Variants in IL36B observed in about 807,000 individuals in gnomAD.
IL36B encodes interleukin-36 beta.
IL36B carries 23 observed loss-of-function variants against 19.3 expected under a neutral mutation model. That is an observed-to-expected ratio of 1.19 (90% CI 0.86 to 1.69). IL36B has a LOEUF of 1.69. IL36B is among the 40% of genes most tolerant of loss of function. The pLI is 0.00. For synonymous variants in IL36B, 59 were observed against 59.7 expected (o/e 0.99, Z 0.05); for missense variants, 217 against 200.5 (o/e 1.08, Z -0.50).
intron 1 of IL36B, among the ~76,000 whole-genome samples, chr2:113,048,366 C>T (rs984013424): frequency 2.1e-4 from 32 of 152,230 alleles, no homozygotes; most frequent in African/African-American, 6.0e-4. Context: ...TGCTTGAACC[C>T]GGGAGGCGAA....
At chr2:113,028,374 G>A (rs1017061389) in intron 4 of IL36B, among the ~76,000 whole-genome samples, 2 of 152,202 alleles carry the variant, frequency 1.3e-5, no homozygotes, top group Non-Finnish European at 2.9e-5. Flanking sequence ...CTGGAACAGA[G>A]GGAGGTTGAA....
In IL36B at chr2:113,028,106, T is replaced by C. The variant is rs148655336; in HGVS notation, c.261+833A>G. 2.1e-3 allele frequency: 3,401 copies of C among 1,613,804 alleles called. 22 individuals are homozygous for C. Among genetic ancestry groups the C allele is most frequent in the Non-Finnish European group, 2.2e-3 (2,652 of 1,179,892 alleles). ...TTCTTCTCCACATACAGGTCCATGA[T>C]ATTTTTTTCCTGGGGGTGGAAAAGA... On this transcript the variant is annotated intron_variant, in intron 4 of 5. Coordinates refer to ENST00000259213, the MANE Select transcript of IL36B (RefSeq NM_014438.5).
At chr2:113,040,386 G>A (rs1023400141) in intron 1 of IL36B, among the ~76,000 whole-genome samples, 2 of 152,048 alleles carry the variant, frequency 1.3e-5, no homozygotes, top group Admixed American at 1.3e-4. Context: ...GTTCAACATC[G>A]TATTTGAAGT....
At chr2:113,027,593 G>A in intron 4 of IL36B, 1 of 1,172,566 alleles carries the variant, frequency 8.5e-7, no homozygotes, top group Non-Finnish European at 1.1e-6. Flanking sequence ...GAATAGGAAT[G>A]GAAGGTTGCA....
chr2:113,029,081 G>T lies in IL36B; in HGVS notation c.122-3C>A. On this transcript the variant is annotated splice_polypyrimidine_tract_variant and splice_region_variant and intron_variant, in intron 3 of 5. Transcript: ENST00000259213. ...ACAGGCTATTAAATGAAGAGTGACTGGAAACACAAAGGAAAATGGAGAAGA... is the reference window on the plus strand; with the variant it reads ...ACAGGCTATTAAATGAAGAGTGACTTGAAACACAAAGGAAAATGGAGAAGA... 6.2e-7 allele frequency: 1 copy of T among 1,610,060 alleles called. No homozygotes were observed. Among genetic ancestry groups the T allele is most frequent in the Non-Finnish European group, 8.5e-7 (1 of 1,178,306 alleles).
At chr2:113,024,926 G>A (rs1684929477) in intron 5 of IL36B, among the ~76,000 whole-genome samples, 1 of 152,148 alleles carries the variant, frequency 6.6e-6, no homozygotes, top group African/African-American at 2.4e-5. Context: ...CATCCTTGAG[G>A]CCATTTGTGC....
intron 4 of IL36B, chr2:113,027,752 G>T: frequency 6.9e-7 from 1 of 1,449,254 alleles, no homozygotes. Flanking sequence ...ATGGATGTTT[G>T]GAGGAGGAGG....
intron 1 of IL36B, among the ~76,000 whole-genome samples, chr2:113,048,864 T>A (rs1282410733): frequency 3.9e-5 from 6 of 152,198 alleles, no homozygotes; most frequent in Non-Finnish European, 5.9e-5. Context: ...TGGACCAACA[T>A]TTGGAAAGCC....
chr2:113,028,817 A>G, intron 4 of IL36B, 122 bp downstream of exon 4: 1 of 1,029,928 alleles, frequency 9.7e-7, no homozygotes, highest in East Asian at 2.6e-5. Flanking sequence ...GCCAGGTCAG[A>G]ATTATTTCCT....
At chr2:113,032,129 GTGTC>G (rs1335700819) in intron 1 of IL36B, among the ~76,000 whole-genome samples, 40 of 119,428 alleles carry the variant, frequency 3.3e-4, no homozygotes, top group African/African-American at 1.3e-3. Context: ...GTGCGTGTGT[GTGTC>G]TGTGTGTGTG....
At chr2:113,034,713 C>T (rs112543310) in intron 1 of IL36B, among the ~76,000 whole-genome samples, 5 of 152,312 alleles carry the variant, frequency 3.3e-5, no homozygotes, top group African/African-American at 1.2e-4. Context: ...GTAGGAAAGG[C>T]ATCACTTGTG....
intron 3 of IL36B, 30 bp from the exon 4 acceptor site, chr2:113,029,108 G>A (rs761224319): frequency 1.2e-6 from 2 of 1,604,288 alleles, no homozygotes; most frequent in East Asian, 2.2e-5. Context: ...TGGAGAAGAT[G>A]TTTCAGTCTT....
intron 1 of IL36B, among the ~76,000 whole-genome samples, chr2:113,041,235 G>A (rs973120206): frequency 6.6e-6 from 1 of 151,532 alleles, no homozygotes; most frequent in Admixed American, 6.6e-5. Flanking sequence ...ATCACTATCT[G>A]TACCACAAAA....
At chr2:113,046,430 C>T (rs188626126) in intron 1 of IL36B, among the ~76,000 whole-genome samples, 52 of 152,240 alleles carry the variant, frequency 3.4e-4, no homozygotes, top group Admixed American at 3.0e-3. Context: ...AGTATGGTCT[C>T]GATCTCCTGA....
At chr2:113,025,244 AG>A (rs753379233) in intron 5 of IL36B, among the ~76,000 whole-genome samples, 6 of 152,210 alleles carry the variant, frequency 3.9e-5, no homozygotes, top group Non-Finnish European at 7.3e-5. Flanking sequence ...GAATTGAGAC[AG>A]GGAAATTTCT....
rs771424624 is a variant in IL36B, at chr2:113,026,170, T to A, written c.324A>T (p.Thr108=). ...TCTCTCTCACATCCAGGTTTATGCA[T>A]GTGTGAATTCCAACTAGTTTCCAGC... Residue 108 remains threonine, a synonymous_variant, in exon 5 of 6, where the codon ACA becomes ACT. Transcript: ENST00000259213. 6 of 1,613,968 alleles carry A rather than the reference T, an allele frequency of 3.7e-6. No individual in the cohort carries two copies. The highest frequency in any genetic ancestry group is 5.1e-6 in the Non-Finnish European group (6 of 1,179,848).
Position 113,031,688 on chromosome 2 carries a change from A to G in IL36B, c.13+9T>C. On this transcript the variant is annotated intron_variant, in intron 2 of 5. Transcript: ENST00000259213. ...ATATTTCCAAGCTGATTTGCAATTC[A>G]CCACTTACGTTGTGGGTTCATGATG... The G allele has an allele frequency of 6.2e-7, 1 of 1,609,304 alleles. No homozygotes were observed. The highest frequency in any genetic ancestry group is 8.5e-7 in the Non-Finnish European group (1 of 1,175,926).
In IL36B at chr2:113,026,096, T is replaced by C. The variant is rs952048734; in HGVS notation, c.391+7A>G. The stretch of plus-strand genomic sequence containing the variant: ...CTGTGGGATGGATAAGAGAATTTGC[T>C]CCTCACCCACTCCTATTCCCCATTG... On this transcript the variant is annotated splice_region_variant and intron_variant, in intron 5 of 5. Coordinates refer to ENST00000259213, the MANE Select transcript of IL36B (RefSeq NM_014438.5). 1 of 1,613,138 alleles carries C rather than the reference T, an allele frequency of 6.2e-7. No homozygotes were observed. Among genetic ancestry groups the C allele is most frequent in the South Asian group, 1.1e-5 (1 of 90,996 alleles).
intron 1 of IL36B, among the ~76,000 whole-genome samples, chr2:113,044,570 C>A (rs773234230): frequency 3.9e-4 from 59 of 152,204 alleles, no homozygotes; most frequent in Non-Finnish European, 7.9e-4. Flanking sequence ...CATGGTATAT[C>A]ATTTTCCATC....
Sources: allele counts gnomAD v4.1 joint callset (sites outside exome capture counted in the v4.1 genomes callset), GRCh38; gene constraint gnomAD v4.1.1; transcripts MANE v1.5; gene names NCBI Gene and HGNC (gene_info 2026-07-23, HGNC 2026-07-21).